LTN1: variants seen among roughly 807,000 people sequenced by gnomAD.
LTN1 encodes listerin E3 ubiquitin protein ligase 1, also known as E3 ubiquitin-protein ligase listerin.
In LTN1, 88 loss-of-function variants were observed where a neutral mutation model predicts 201.2. The ratio of observed to expected loss-of-function variants is 0.44; its 90% CI spans 0.37 to 0.52. The LOEUF (loss-of-function observed/expected upper bound fraction) is 0.52. LTN1 is among the 20% of genes least tolerant of loss of function. The pLI is 0.00. For missense variants in LTN1, 1,752 were observed against 2,038.7 expected, an observed-to-expected ratio of 0.86 and a Z score of 2.71; for synonymous variants, 645 against 713.5, an observed-to-expected ratio of 0.90 and a Z score of 1.53.
chr21:28,931,182 G>A lies in LTN1; in HGVS notation c.5211C>T (p.Cys1737=), dbSNP rs1368953533. ...YSLPKKACRT[C]KKKFHSACLY... is the part of the protein sequence containing the mutation. ...AGCAGGCTGAATGGAATTTTTTCTTGCATGTTCTACAGGCTTTTTTGGGAA... is the reference window on the plus strand; with the variant it reads ...AGCAGGCTGAATGGAATTTTTTCTTACATGTTCTACAGGCTTTTTTGGGAA... The change falls in exon 29 of 30, where the codon TGC becomes TGT. Residue 1737 remains cysteine, a synonymous_variant. Transcript: ENST00000361371. 6 of 1,610,416 alleles carry A rather than the reference G, an allele frequency of 3.7e-6. No homozygotes were observed. In the African/African-American group the frequency reaches 8.1e-5, roughly 22 times the overall value.
rs139263949 is a variant in LTN1 at position 28,966,635 on chromosome 21, G to A, written c.1856C>T (p.Thr619Ile). 3.7e-6 allele frequency: 6 copies of A among 1,613,938 alleles called. No individual in the cohort carries two copies. The highest frequency in any genetic ancestry group is 1.6e-4 in the Middle Eastern group (1 of 6,084). The change falls in exon 10 of 30, where the codon ACT (threonine) becomes ATT (isoleucine). Residue 619 changes from threonine to isoleucine, a missense_variant. Coordinates refer to ENST00000361371, the MANE Select transcript of LTN1 (RefSeq NM_015565.3). ...GCTTGAAGAAAAGGAGTCAAGCAGA[G>A]TAGAAAGAAACCTTAGATGTTGCTC... ...KSEQHLRFLS[T>I]LLDSFSSSRV... is the part of the protein sequence containing the mutation.
intron 6 of LTN1, among the ~76,000 whole-genome samples, chr21:28,973,114 G>A (rs1191657318): frequency 6.6e-6 from 1 of 152,088 alleles, no homozygotes; most frequent in Non-Finnish European, 1.5e-5. Context: ...TTGGGAGGCT[G>A]AGGCGGGCAG....
chr21:28,966,863 T>A lies in LTN1; in HGVS notation c.1628A>T (p.Asp543Val). The change falls in exon 10 of 30, where the codon GAT becomes GTT. Residue 543 changes from aspartate (D) to valine (V), a missense_variant. Coordinates refer to ENST00000361371, the MANE Select transcript of LTN1 (RefSeq NM_015565.3). Reference sequence around the variant, plus strand: ...CTCTTTATTGCTTTCAAGTATCTCATCAGCAAATCTAACCTTACCATTTTT... The same window carrying A: ...CTCTTTATTGCTTTCAAGTATCTCAACAGCAAATCTAACCTTACCATTTTT... Reference protein sequence around the residue: ...KKKNGKVRFADEILESNKENE... With the variant: ...KKKNGKVRFAVEILESNKENE... 1.9e-6 allele frequency: 3 copies of A among 1,611,352 alleles called. No homozygotes were observed. Among genetic ancestry groups the A allele is most frequent in the Non-Finnish European group, 2.5e-6 (3 of 1,179,324 alleles).
chr21:28,947,110 A>G (rs565255807), intron 19 of LTN1, among the ~76,000 whole-genome samples: 1 of 152,356 alleles, frequency 6.6e-6, no homozygotes, highest in South Asian at 2.1e-4. Context: ...AATGTTTATT[A>G]AATTAATAAA....
chr21:28,971,570 T>C, intron 6 of LTN1, 126 bp from the exon 7 acceptor site: 1 of 813,112 alleles, frequency 1.2e-6, no homozygotes, highest in Non-Finnish European at 1.9e-6. Flanking sequence ...CTAGAAAAAA[T>C]ACTTTTTAAA....
At chr21:28,974,442 C>T (rs1290398582) in intron 6 of LTN1, among the ~76,000 whole-genome samples, 1 of 152,144 alleles carries the variant, frequency 6.6e-6, no homozygotes, top group Admixed American at 6.6e-5. Flanking sequence ...AAAACAACTA[C>T]CTGAGGACTC....
intron 6 of LTN1, among the ~76,000 whole-genome samples, chr21:28,974,312 C>T (rs942546024): frequency 2.0e-5 from 3 of 152,118 alleles, no homozygotes; most frequent in Non-Finnish European, 4.4e-5. Flanking sequence ...AAATACAGCA[C>T]ACTTGCAACT....
intron 16 of LTN1, among the ~76,000 whole-genome samples, chr21:28,954,543 T>C (rs144473493): frequency 2.2e-4 from 34 of 152,032 alleles, no homozygotes; most frequent in African/African-American, 6.5e-4. Flanking sequence ...TTCAAAACCA[T>C]TGGAATCAAA....
In LTN1 at chr21:28,966,858, T is replaced by C; in HGVS notation, c.1633A>G (p.Ile545Val). Residue 545 changes from isoleucine to valine, a missense_variant, in exon 10 of 30, where the codon ATA (isoleucine) becomes GTA (valine). Physicochemically the swap from Ile to Val is conservative, Grantham distance 29. Transcript: ENST00000361371. ...TCATTCTCTTTATTGCTTTCAAGTA[T>C]CTCATCAGCAAATCTAACCTTACCA... ...KNGKVRFADE[I>V]LESNKENEKC... 1 of 1,611,298 alleles carries C rather than the reference T, an allele frequency of 6.2e-7. No homozygotes were observed. Among genetic ancestry groups the C allele is most frequent in the Non-Finnish European group, 8.5e-7 (1 of 1,179,272 alleles).
Position 28,986,355 on chromosome 21 carries a change from T to C in LTN1, c.247-118A>G. The C allele has an allele frequency of 1.4e-6, 1 of 718,418 alleles. No homozygotes were observed. The highest frequency in any genetic ancestry group is 2.4e-6 in the Non-Finnish European group (1 of 410,042). The allele number at this position is 718,418 out of a possible 1,614,324, so 44.5% of individuals were successfully genotyped here. ...TAGGAGAATACACTATTTCTCTTTA[T>C]GCCATATGAGACTAGTTTGAAGAGC... On this transcript the variant is annotated intron_variant, in intron 2 of 29. Transcript: ENST00000361371. This position sits in a 1 kb window ranked among gnomAD's most constrained non-coding sequence, Gnocchi z 4.1.
rs1297704809 is a variant in LTN1 at position 28,929,576 on chromosome 21, TG to T, written c.*871del. On this transcript the variant is annotated 3_prime_UTR_variant, in exon 30 of 30. Coordinates refer to ENST00000361371, the MANE Select transcript of LTN1 (RefSeq NM_015565.3). ...GAAAGTCTCCTACAACATTTTTAAA[TG>T]TTTTTTTTTTCCACTGATCTTTAAG... 1 of 151,828 alleles carries T rather than the reference TG, an allele frequency of 6.6e-6. No homozygotes were observed. The highest frequency in any genetic ancestry group is 2.4e-5 in the African/African-American group (1 of 41,180). The allele number at this position is 151,828 out of a possible 1,614,324, so 9.4% of individuals were successfully genotyped here.
At chr21:28,935,712 T>C (rs2084250426) in intron 26 of LTN1, among the ~76,000 whole-genome samples, 2 of 151,720 alleles carry the variant, frequency 1.3e-5, no homozygotes, top group South Asian at 2.1e-4. Flanking sequence ...TGGTGATGGG[T>C]GCCTGTAGTC....
At chr21:28,969,908 T>A (rs545442890) in intron 8 of LTN1, among the ~76,000 whole-genome samples, 60 of 152,296 alleles carry the variant, frequency 3.9e-4, no homozygotes, top group African/African-American at 1.4e-3. Context: ...GGTCTTGAAC[T>A]CCTGGCCTCA....
chr21:28,969,841 CCTTTTT>C (rs548151815), intron 8 of LTN1, among the ~76,000 whole-genome samples: 170 of 152,052 alleles, frequency 1.1e-3, no homozygotes, highest in African/African-American at 3.4e-3. Flanking sequence ...GAGAATATTT[CCTTTTT>C]CTTTTTCTTC....
chr21:28,951,842 C>T (rs1328444551), intron 18 of LTN1, among the ~76,000 whole-genome samples: 1 of 151,956 alleles, frequency 6.6e-6, no homozygotes, highest in Non-Finnish European at 1.5e-5. Flanking sequence ...TGGTAGTGCA[C>T]ACCTGTGGTC....
chr21:28,983,088 T>TC (rs2084671402), intron 4 of LTN1, among the ~76,000 whole-genome samples: 3 of 152,338 alleles, frequency 2.0e-5, no homozygotes, highest in African/African-American at 7.2e-5. Flanking sequence ...GACAGTATGA[T>TC]ATACTATCTA....
chr21:28,965,046 T>C (rs1470590485), intron 11 of LTN1, among the ~76,000 whole-genome samples: 1 of 152,180 alleles, frequency 6.6e-6, no homozygotes, highest in Non-Finnish European at 1.5e-5. Context: ...TTTTGCAAGA[T>C]GAATTAAGTT....
At chr21:28,982,279 T>C (rs749987606) in intron 5 of LTN1, 37 bp downstream of exon 5, 51 of 1,554,288 alleles carry the variant, frequency 3.3e-5, no homozygotes, top group Non-Finnish European at 4.1e-5. Context: ...GTGAAACAAA[T>C]CCTTAACATG....
At chr21:28,988,134 T>C (rs1465504243) in intron 1 of LTN1, among the ~76,000 whole-genome samples, 2 of 121,486 alleles carry the variant, frequency 1.6e-5, no homozygotes, top group African/African-American at 3.3e-5. Context: ...AGGGCGAGAC[T>C]CTGTCTCAAA....
Sources: gnomAD v4.1 joint callset for allele counts (sites outside exome capture counted in the v4.1 genomes callset) on GRCh38, gnomAD v4.1.1 for gene constraint, Gnocchi (gnomAD v3.1) non-coding constraint, MANE v1.5 for transcripts, NCBI Gene and HGNC (gene_info 2026-07-23, HGNC 2026-07-21) for gene names.